TUBGCP4: variants seen among roughly 807,000 people sequenced by gnomAD.
TUBGCP4 encodes tubulin gamma complex component 4, also known as gamma-tubulin complex component 4.
A neutral mutation model predicts 91.6 loss-of-function variants in TUBGCP4; 54 were observed. The observed-to-expected ratio is 0.59, with a 90% CI of 0.47 to 0.74. TUBGCP4 has a LOEUF of 0.74. TUBGCP4 is among the 30% of genes least tolerant of loss of function. The probability of loss-of-function intolerance (pLI) is 0.00; values close to 1 mark genes in which losing one functional copy is unlikely to be tolerated. For synonymous variants in TUBGCP4, 297 were observed against 302.8 expected (o/e 0.98, Z 0.20); for missense variants, 593 against 800.9 (o/e 0.74, Z 3.13).
At chr15:43,393,880 G>A (rs1595493573) in intron 9 of TUBGCP4, among the ~76,000 whole-genome samples, 1 of 151,946 alleles carries the variant, frequency 6.6e-6, no homozygotes, top group East Asian at 1.9e-4. Flanking sequence ...TGCCCACCTT[G>A]GCCTCCCAAA....
intron 9 of TUBGCP4, among the ~76,000 whole-genome samples, chr15:43,388,807 C>T (rs1036269457): frequency 3.3e-5 from 5 of 152,158 alleles, no homozygotes; most frequent in African/African-American, 1.2e-4. Flanking sequence ...GCAACAATAA[C>T]AGCCTACAGC....
chr15:43,409,570 T>C lies in TUBGCP4; in HGVS notation c.*4356T>C. 7.8e-6 allele frequency: 6 copies of C among 773,948 alleles called. No individual in the cohort carries two copies. The South Asian group carries it at 1.1e-4, about 15-fold the overall frequency. The allele number at this position is 773,948 out of a possible 1,614,324, so 47.9% of individuals were successfully genotyped here. A position where few individuals can be genotyped will look rare whatever the true frequency, so the allele number is the denominator to read the frequency against. The stretch of plus-strand genomic sequence containing the variant: ...TACTTTATCCAGGTTCCCCAACCCC[T>C]CCCAGGCCTCTTCTCAACACAGCAA... On this transcript the variant is annotated 3_prime_UTR_variant, in exon 18 of 18. Transcript: ENST00000564079.
intron 13 of TUBGCP4, 74 bp from the exon 14 acceptor site, chr15:43,399,970 C>A: frequency 7.8e-7 from 1 of 1,273,928 alleles, no homozygotes; most frequent in Non-Finnish European, 1.1e-6. Context: ...GGCACAAAGT[C>A]CTAGAGTCTG....
intron 9 of TUBGCP4, among the ~76,000 whole-genome samples, chr15:43,390,183 T>G (rs143916858): frequency 3.3e-5 from 5 of 152,260 alleles, no homozygotes; most frequent in Non-Finnish European, 7.4e-5. Flanking sequence ...TAAAATGGGC[T>G]AGTTAGGTTT....
Position 43,386,254 on chromosome 15 carries a change from G to A in TUBGCP4, c.938G>A (p.Arg313His), listed in dbSNP as rs767859698. Residue 313 changes from arginine (R) to histidine (H), a missense_variant, in exon 9 of 18, where the codon CGT (arginine) becomes CAT (histidine). Physicochemically the swap from Arg to His is conservative, Grantham distance 29. Coordinates refer to ENST00000564079, the MANE Select transcript of TUBGCP4 (RefSeq NM_014444.5). ...QEDTFAAELH[R>H]LKQQPLFSLV... The stretch of plus-strand genomic sequence containing the variant: ...GACACTTTTGCTGCAGAGCTGCACC[G>A]TCTCAAGCAGCAGCCACTCTTCAGC... 8 of 1,601,714 alleles carry A rather than the reference G, an allele frequency of 5.0e-6. No homozygotes were observed. In the Admixed American group the frequency reaches 5.1e-5, roughly 10 times the overall value.
At chr15:43,377,145 A>G (rs2044218294) in intron 4 of TUBGCP4, 78 bp downstream of exon 4, 1 of 1,301,642 alleles carries the variant, frequency 7.7e-7, no homozygotes, top group African/African-American at 1.5e-5. Context: ...ACTGTTTTTG[A>G]GAACTTTTTT....
Position 43,409,655 on chromosome 15 carries a change from C to T in TUBGCP4, c.*4441C>T. The T allele has an allele frequency of 6.5e-7, 1 of 1,539,988 alleles. No individual in the cohort carries two copies. Among genetic ancestry groups the T allele is most frequent in the Non-Finnish European group, 8.8e-7 (1 of 1,141,972 alleles). ...ACAAAGAAACTCCTCACCTGGGCTT[C>T]ATTGAAATCTTCAAGGATATAGCCA... On this transcript the variant is annotated 3_prime_UTR_variant, in exon 18 of 18. Coordinates refer to ENST00000564079, the MANE Select transcript of TUBGCP4 (RefSeq NM_014444.5).
Position 43,407,379 on chromosome 15 carries a change from A to ATCTT in TUBGCP4, c.*2167_*2170dup, listed in dbSNP as rs749319124. The ATCTT allele has an allele frequency of 2.2e-5, 35 of 1,613,624 alleles. No homozygotes were observed. Among genetic ancestry groups the ATCTT allele is most frequent in the East Asian group, 6.7e-5 (3 of 44,888 alleles). On this transcript the variant is annotated 3_prime_UTR_variant, in exon 18 of 18. Transcript: ENST00000564079. ...GGGAATAAAACCAGTAAGACCAAGT[A>ATCTT]TCTTTAGTGAGAAACATAATCGTGT... is the stretch of plus-strand genomic sequence containing the variant.
chr15:43,387,281 GCCA>G (rs57654660), intron 9 of TUBGCP4, among the ~76,000 whole-genome samples: 39,901 of 151,868 alleles, frequency 0.26, 8,347 homozygotes, highest in African/African-American at 0.57. Context: ...TTGTGCTGGT[GCCA>G]CCGACTTAAA....
chr15:43,409,766 T>A lies in TUBGCP4; in HGVS notation c.*4552T>A. ...TCTATATTAAAAAAAAAAACCAAGA[T>A]AATAATTACTGAGTGGTTTTCTTAT... On this transcript the variant is annotated 3_prime_UTR_variant, in exon 18 of 18. Transcript: ENST00000564079. 3.4e-6 allele frequency: 4 copies of A among 1,190,102 alleles called. No individual in the cohort carries two copies. Among genetic ancestry groups the A allele is most frequent in the Non-Finnish European group, 4.7e-6 (4 of 845,072 alleles). The allele number at this position is 1,190,102 out of a possible 1,614,324, so 73.7% of individuals were successfully genotyped here.
In TUBGCP4 at chr15:43,404,408, T is replaced by A; in HGVS notation, c.1849-5T>A. 1 of 1,614,126 alleles carries A rather than the reference T, an allele frequency of 6.2e-7. No individual in the cohort carries two copies. Among genetic ancestry groups the A allele is most frequent in the Non-Finnish European group, 8.5e-7 (1 of 1,180,004 alleles). Reference sequence around the variant, plus strand: ...GGAATGACAGCTGAGTCCTTCTCTCTGCAGGGCTTTAGCCGCCAGTCTTCA... The same window carrying A: ...GGAATGACAGCTGAGTCCTTCTCTCAGCAGGGCTTTAGCCGCCAGTCTTCA... On this transcript the variant is annotated splice_region_variant and splice_polypyrimidine_tract_variant and intron_variant, in intron 16 of 17. Transcript: ENST00000564079.
chr15:43,406,617 C>A lies in TUBGCP4; in HGVS notation c.*1403C>A, dbSNP rs1393410785. ...CCTTTACAGAAAAAAACCTTGTTGA[C>A]CCCTGCTTTAGAGAATGAGAAGCCA... On this transcript the variant is annotated 3_prime_UTR_variant, in exon 18 of 18. Transcript: ENST00000564079. 4.4e-6 allele frequency: 2 copies of A among 455,878 alleles called. No individual in the cohort carries two copies. The highest frequency in any genetic ancestry group is 8.8e-6 in the Non-Finnish European group (2 of 226,784). The allele number at this position is 455,878 out of a possible 1,614,324, so 28.2% of individuals were successfully genotyped here.
Position 43,406,633 on chromosome 15 carries a change from T to C in TUBGCP4, c.*1419T>C, listed in dbSNP as rs899801465. ...CCTTGTTGACCCCTGCTTTAGAGAATGAGAAGCCATGCAGGGATCAGTGAT... is the reference window on the plus strand; with the variant it reads ...CCTTGTTGACCCCTGCTTTAGAGAACGAGAAGCCATGCAGGGATCAGTGAT... On this transcript the variant is annotated 3_prime_UTR_variant, in exon 18 of 18. Coordinates refer to ENST00000564079, the MANE Select transcript of TUBGCP4 (RefSeq NM_014444.5). The C allele has an allele frequency of 8.8e-6, 4 of 455,824 alleles. No homozygotes were observed. Among genetic ancestry groups the C allele is most frequent in the African/African-American group, 8.0e-5 (4 of 50,030 alleles). 28.2% of individuals were successfully genotyped at this position (455,824 alleles called of 1,614,324 possible).
Position 43,371,255 on chromosome 15 carries a change from C to A in TUBGCP4, c.-100C>A. The A allele has an allele frequency of 1.6e-6, 2 of 1,223,220 alleles. No individual in the cohort carries two copies. Among genetic ancestry groups the A allele is most frequent in the Non-Finnish European group, 2.4e-6 (2 of 849,218 alleles). The allele number at this position is 1,223,220 out of a possible 1,614,324, so 75.8% of individuals were successfully genotyped here. ...CGGCACAAACCGCCCGACCCAGGGG[C>A]CGGTGCGCGTGTGGAAGGGGAAGCA... On this transcript the variant is annotated 5_prime_UTR_variant, in exon 1 of 18. Coordinates refer to ENST00000564079, the MANE Select transcript of TUBGCP4 (RefSeq NM_014444.5).
intron 7 of TUBGCP4, among the ~76,000 whole-genome samples, chr15:43,383,799 G>A (rs1319513172): frequency 6.6e-6 from 1 of 151,770 alleles, no homozygotes; most frequent in Non-Finnish European, 1.5e-5. Context: ...AATACAGTTT[G>A]GAGTTTTGTT....
chr15:43,403,619 AAC>A, intron 15 of TUBGCP4, 62 bp from the exon 16 acceptor site: 1 of 1,216,214 alleles, frequency 8.2e-7, no homozygotes, highest in Non-Finnish European at 1.2e-6. Context: ...CTGTTCTCCT[AAC>A]ACTTTAACTT....
intron 9 of TUBGCP4, among the ~76,000 whole-genome samples, chr15:43,393,162 G>C (rs1209394246): frequency 1.3e-5 from 2 of 150,110 alleles, no homozygotes; most frequent in Non-Finnish European, 3.0e-5. Context: ...GTTTATACCA[G>C]TGTGTTTATC....
At chr15:43,397,741 C>CA (rs1566900313) in intron 12 of TUBGCP4, among the ~76,000 whole-genome samples, 1 of 152,140 alleles carries the variant, frequency 6.6e-6, no homozygotes, top group Admixed American at 6.5e-5. Context: ...GACAGAGTCT[C>CA]ACTCTGTTGA....
chr15:43,408,014 A>T lies in TUBGCP4; in HGVS notation c.*2800A>T. On this transcript the variant is annotated 3_prime_UTR_variant, in exon 18 of 18. Transcript: ENST00000564079. ...ACCAGTCATGAGGATCTCAGACCAG[A>T]GCTCCAGGAAGTTCTGCTGTTGGTC... 2 of 1,614,102 alleles carry T rather than the reference A, an allele frequency of 1.2e-6. No individual in the cohort carries two copies. The highest frequency in any genetic ancestry group is 1.7e-6 in the Non-Finnish European group (2 of 1,180,004).
Sources: allele counts gnomAD v4.1 joint callset (sites outside exome capture counted in the v4.1 genomes callset), GRCh38; gene constraint gnomAD v4.1.1; transcripts MANE v1.5; gene names NCBI Gene and HGNC (gene_info 2026-07-23, HGNC 2026-07-21).